EGFLAM: variants seen among roughly 807,000 people sequenced by gnomAD.
EGFLAM encodes the protein EGF like, fibronectin type III and laminin G domains, also known as pikachurin.
In EGFLAM, 79 loss-of-function variants were observed where a neutral mutation model predicts 113.1. The ratio of observed to expected loss-of-function variants is 0.70; its 90% CI spans 0.58 to 0.84. The LOEUF is 0.84. EGFLAM is among the 40% of genes least tolerant of loss of function. The probability of loss-of-function intolerance (pLI) is 0.00; values close to 1 mark genes in which losing one functional copy is unlikely to be tolerated. For missense variants in EGFLAM, 1,265 were observed against 1,291.6 expected, an observed-to-expected ratio of 0.98 and a Z score of 0.32; for synonymous variants, 504 against 487.6, an observed-to-expected ratio of 1.03 and a Z score of -0.44.
At chr5:38,278,239 C>T (rs62352424) in intron 1 of EGFLAM, among the ~76,000 whole-genome samples, 20,126 of 152,048 alleles carry the variant, frequency 0.13, 1,503 homozygotes, top group Middle Eastern at 0.28. Flanking sequence ...TAAATCCACA[C>T]ATTTATAGCC....
intron 1 of EGFLAM, among the ~76,000 whole-genome samples, chr5:38,296,551 A>G (rs1408767896): frequency 6.6e-6 from 1 of 152,172 alleles, no homozygotes. Context: ...TTAGGCAAAC[A>G]CTGCAATAAT....
At chr5:38,392,629 TG>T (rs36090122) in intron 6 of EGFLAM, among the ~76,000 whole-genome samples, 6 of 148,280 alleles carry the variant, frequency 4.0e-5, no homozygotes, top group Non-Finnish European at 7.4e-5. Flanking sequence ...TCTTTTTTTT[TG>T]GGGGGGCGGT....
chr5:38,418,035 G>A (rs767629707), intron 11 of EGFLAM, 31 bp from the exon 12 acceptor site: 4 of 1,583,984 alleles, frequency 2.5e-6, no homozygotes, highest in Admixed American at 3.5e-5. Context: ...TGTTTAGTGA[G>A]AGTATTCATG....
chr5:38,350,203 C>T (rs1037247518), intron 3 of EGFLAM, among the ~76,000 whole-genome samples: 2 of 152,124 alleles, frequency 1.3e-5, no homozygotes, highest in Non-Finnish European at 2.9e-5. Flanking sequence ...CTTCCAGCAA[C>T]GTAGTACTTT....
At chr5:38,433,037 T>C (rs1435109222) in intron 15 of EGFLAM, among the ~76,000 whole-genome samples, 2 of 152,222 alleles carry the variant, frequency 1.3e-5, no homozygotes, top group African/African-American at 4.8e-5. Flanking sequence ...CTGAGTCCAC[T>C]GTGAACCAGG....
intron 6 of EGFLAM, among the ~76,000 whole-genome samples, chr5:38,375,057 GTTGTT>G (rs1740327641): frequency 2.1e-5 from 2 of 97,338 alleles, no homozygotes; most frequent in Non-Finnish European, 4.2e-5. Flanking sequence ...TTACTCTGTT[GTTGTT>G]TTTTTTTTTT....
intron 1 of EGFLAM, among the ~76,000 whole-genome samples, chr5:38,299,641 A>T (rs1463749388): frequency 1.3e-5 from 2 of 152,044 alleles, no homozygotes; most frequent in Non-Finnish European, 1.5e-5. Flanking sequence ...GGGTTTTGAG[A>T]TGGTATTAAA....
intron 1 of EGFLAM, among the ~76,000 whole-genome samples, chr5:38,302,555 G>C (rs1247543063): frequency 6.6e-6 from 1 of 152,102 alleles, no homozygotes; most frequent in Non-Finnish European, 1.5e-5. Flanking sequence ...AAATTAGCAA[G>C]AGGAGAAGGG....
chr5:38,423,393 T>A (rs1432920269), intron 12 of EGFLAM, among the ~76,000 whole-genome samples: 1 of 152,210 alleles, frequency 6.6e-6, no homozygotes, highest in Non-Finnish European at 1.5e-5. Flanking sequence ...AATGCTGCTT[T>A]CACCAAGTCA....
intron 19 of EGFLAM, among the ~76,000 whole-genome samples, chr5:38,454,010 C>T (rs929366874): frequency 2.0e-5 from 3 of 152,170 alleles, no homozygotes; most frequent in South Asian, 4.1e-4. Flanking sequence ...TGTTTTTCTT[C>T]CAATCCTGGA....
Position 38,427,039 on chromosome 5 carries a change from A to T in EGFLAM, c.1841A>T (p.Glu614Val). ...ACCTTGACCATTCCTCAGTTCAGAG[A>T]GTCTCTGAGATCTTACGCTGCAACT... ...AFTLTIPQFRESLRSYAATPW... is the reference protein window; with the variant it reads ...AFTLTIPQFRVSLRSYAATPW... The change falls in exon 14 of 22, where the codon GAG becomes GTG. Residue 614 changes from glutamate (E) to valine (V), a missense_variant. Glu to Val is a moderately radical substitution (Grantham distance 121, BLOSUM62 -2). Coordinates refer to ENST00000322350, the MANE Select transcript of EGFLAM (RefSeq NM_152403.4). 6.2e-7 allele frequency: 1 copy of T among 1,614,002 alleles called. No homozygotes were observed. The highest frequency in any genetic ancestry group is 8.5e-7 in the Non-Finnish European group (1 of 1,179,990).
chr5:38,368,567 T>C (rs889143255), intron 5 of EGFLAM, among the ~76,000 whole-genome samples: 7 of 152,226 alleles, frequency 4.6e-5, no homozygotes, highest in Non-Finnish European at 1.0e-4. Flanking sequence ...CTCTATTTCC[T>C]TGCCTGGTAA....
rs1742288929 is a variant in EGFLAM, at chr5:38,434,656, G to C, written c.2167-481G>C. On this transcript the variant is annotated intron_variant, in intron 15 of 21. Coordinates refer to ENST00000322350, the MANE Select transcript of EGFLAM (RefSeq NM_152403.4). ...GCTGCAGCTGTAATCTGAGATCTGGGCTGAAGGAACAGAGGGAAGGAGAAA... is the reference window on the plus strand; with the variant it reads ...GCTGCAGCTGTAATCTGAGATCTGGCCTGAAGGAACAGAGGGAAGGAGAAA... Among the ~76,000 whole-genome samples, 3 of 152,216 alleles carry C rather than the reference G, an allele frequency of 2.0e-5. No homozygotes were observed. The South Asian group carries it at 6.2e-4, about 31-fold the overall frequency.
At chr5:38,388,469 A>G (rs1442235300) in intron 6 of EGFLAM, among the ~76,000 whole-genome samples, 19 of 152,086 alleles carry the variant, frequency 1.2e-4, no homozygotes, top group Non-Finnish European at 1.2e-4. Flanking sequence ...ACAAAAAACA[A>G]AAAGTTAGCT....
chr5:38,266,797 CA>C (rs1757644241), intron 1 of EGFLAM, among the ~76,000 whole-genome samples: 3 of 152,104 alleles, frequency 2.0e-5, no homozygotes, highest in Admixed American at 2.0e-4. Flanking sequence ...CAGAATTATC[CA>C]AACTGATATG....
chr5:38,329,356 T>A (rs1345957073), intron 1 of EGFLAM, among the ~76,000 whole-genome samples: 2 of 152,086 alleles, frequency 1.3e-5, no homozygotes, highest in African/African-American at 4.8e-5. Flanking sequence ...GTCTGATTTT[T>A]AAAATTCAAT....
At chr5:38,329,490 C>T (rs1243217270) in intron 1 of EGFLAM, among the ~76,000 whole-genome samples, 9 of 152,078 alleles carry the variant, frequency 5.9e-5, no homozygotes, top group South Asian at 4.1e-4. Flanking sequence ...CCTCCAACTT[C>T]GTGGGTGGTC....
chr5:38,399,865 A>G (rs979231035), intron 6 of EGFLAM: 4 of 152,232 alleles, frequency 2.6e-5, no homozygotes, highest in African/African-American at 7.2e-5. Context: ...CACCTCCTAC[A>G]GGAGAACACA....
intron 1 of EGFLAM, among the ~76,000 whole-genome samples, chr5:38,313,828 C>T (rs753071314): frequency 6.6e-6 from 1 of 152,030 alleles, no homozygotes; most frequent in Non-Finnish European, 1.5e-5. Context: ...TCTATGTAAG[C>T]GTTTTGTCCA....
Sources: allele counts gnomAD v4.1 joint callset (sites outside exome capture counted in the v4.1 genomes callset), GRCh38; gene constraint gnomAD v4.1.1; transcripts MANE v1.5; gene names NCBI Gene and HGNC (gene_info 2026-07-23, HGNC 2026-07-21).